The following PRTG variants were observed in gnomAD, a reference collection of about 807,000 sequenced individuals.
PRTG encodes immunoglobulin superfamily, DCC subclass, member 5.
Under a neutral mutation model 122.5 loss-of-function variants are expected in PRTG, and 67 were observed. The ratio of observed to expected loss-of-function variants is 0.55; its 90% CI spans 0.45 to 0.67. The LOEUF is 0.67. Ranked by LOEUF, PRTG falls within the 30% of genes least tolerant of loss-of-function variation. PRTG has a pLI of 0.00. For synonymous variants in PRTG, 554 were observed against 501.1 expected, an observed-to-expected ratio of 1.11 and a Z score of -1.41; for missense variants, 1,435 against 1,415.4, an observed-to-expected ratio of 1.01 and a Z score of -0.22.
intron 11 of PRTG, among the ~76,000 whole-genome samples, chr15:55,656,632 C>G (rs958704074): frequency 1.3e-5 from 2 of 152,126 alleles, no homozygotes; most frequent in African/African-American, 4.8e-5. Context: ...CTCAGCCTCC[C>G]AAGTAGCTGG....
intron 2 of PRTG, among the ~76,000 whole-genome samples, chr15:55,715,297 A>G (rs1390360424): frequency 6.6e-6 from 1 of 152,220 alleles, no homozygotes; most frequent in Non-Finnish European, 1.5e-5. Context: ...TTTCAGGCTA[A>G]TCAGGATATT....
chr15:55,733,992 G>A (rs2031327361), intron 2 of PRTG, among the ~76,000 whole-genome samples: 1 of 152,156 alleles, frequency 6.6e-6, no homozygotes, highest in South Asian at 2.1e-4. Flanking sequence ...ACTACTTTCG[G>A]AAACATCAGG....
chr15:55,687,671 T>G (rs1324201658), intron 2 of PRTG, among the ~76,000 whole-genome samples: 1 of 152,238 alleles, frequency 6.6e-6, no homozygotes, highest in Non-Finnish European at 1.5e-5. Flanking sequence ...GGTTTACCCT[T>G]GAAAACTCTG....
intron 15 of PRTG, among the ~76,000 whole-genome samples, chr15:55,636,262 C>T (rs2059257196): frequency 6.6e-6 from 1 of 151,972 alleles, no homozygotes; most frequent in African/African-American, 2.4e-5. Flanking sequence ...TCAGCTTTTC[C>T]CTGTATTTAA....
intron 8 of PRTG, 89 bp downstream of exon 8, chr15:55,677,708 T>C (rs1190609212): frequency 9.8e-6 from 12 of 1,230,576 alleles, no homozygotes; most frequent in Non-Finnish European, 1.4e-5. Flanking sequence ...CAAAAATATT[T>C]TATGGATTAT....
At chr15:55,742,710 G>A in intron 1 of PRTG, 128 bp downstream of exon 1, 1 of 1,140,656 alleles carries the variant, frequency 8.8e-7, no homozygotes, top group Non-Finnish European at 1.3e-6. Context: ...GCGGGGGCCG[G>A]GGGTCAGCGC....
At chr15:55,640,018 A>G in intron 12 of PRTG, 190 bp from the exon 13 acceptor site, 4 of 919,988 alleles carry the variant, frequency 4.3e-6, no homozygotes, top group Non-Finnish European at 3.9e-6. Flanking sequence ...ATAAGAAGTC[A>G]AAAACAGTCA....
At chr15:55,627,426 C>T (rs1328405561) in intron 16 of PRTG, among the ~76,000 whole-genome samples, 3 of 150,774 alleles carry the variant, frequency 2.0e-5, no homozygotes, top group African/African-American at 7.3e-5. Context: ...CGGGTTCCTG[C>T]CATTCTCCTG....
chr15:55,618,076 A>C lies in PRTG; in HGVS notation c.*1936T>G, dbSNP rs932907343. The C allele has an allele frequency of 6.6e-6, 1 of 152,206 alleles. No individual in the cohort carries two copies. The highest frequency in any genetic ancestry group is 2.4e-5 in the African/African-American group (1 of 41,460). The allele number at this position is 152,206 out of a possible 1,614,324, so 9.4% of individuals were successfully genotyped here. On this transcript the variant is annotated 3_prime_UTR_variant, in exon 20 of 20. Transcript: ENST00000389286. ...CAGGAGCAGCATTTTTCCTTGCTGCAGACTGTTCACCTAAAGCTCTGCTTT... is the reference window on the plus strand; with the variant it reads ...CAGGAGCAGCATTTTTCCTTGCTGCCGACTGTTCACCTAAAGCTCTGCTTT...
chr15:55,742,727 G>C, intron 1 of PRTG, 111 bp downstream of exon 1: 3 of 1,342,736 alleles, frequency 2.2e-6, no homozygotes, highest in Non-Finnish European at 3.1e-6. Context: ...GCGCCACCAC[G>C]GAGGACCCCG....
chr15:55,667,324 CTTTTCTT>C (rs1270856440), intron 11 of PRTG, among the ~76,000 whole-genome samples: 1 of 151,562 alleles, frequency 6.6e-6, no homozygotes, highest in Non-Finnish European at 1.5e-5. Flanking sequence ...AATGAAAAAT[CTTTTCTT>C]TTTTACTATC....
At chr15:55,655,125 C>CAAG (rs1274135007) in intron 11 of PRTG, 12 of 152,116 alleles carry the variant, frequency 7.9e-5, no homozygotes, top group African/African-American at 2.2e-4. Context: ...TTAAAACTCA[C>CAAG]AAGAAACAGT....
intron 11 of PRTG, among the ~76,000 whole-genome samples, chr15:55,664,389 C>T (rs1409300520): frequency 2.0e-5 from 3 of 152,238 alleles, no homozygotes; most frequent in Admixed American, 6.5e-5. Flanking sequence ...GTGATCCACC[C>T]GCCTCGATCT....
intron 2 of PRTG, among the ~76,000 whole-genome samples, chr15:55,733,485 G>A (rs1300170700): frequency 6.7e-6 from 1 of 149,372 alleles, no homozygotes; most frequent in Non-Finnish European, 1.5e-5. Context: ...ACTCCAGCCT[G>A]GGCAACAAGA....
chr15:55,708,577 T>C (rs146432276), intron 2 of PRTG, among the ~76,000 whole-genome samples: 715 of 151,990 alleles, frequency 4.7e-3, no homozygotes, highest in African/African-American at 0.016. Flanking sequence ...CACTGCACTC[T>C]AGCCTGGGCG....
chr15:55,734,810 C>T (rs2031358198), intron 2 of PRTG, among the ~76,000 whole-genome samples: 1 of 152,094 alleles, frequency 6.6e-6, no homozygotes, highest in Non-Finnish European at 1.5e-5. Flanking sequence ...GTGTCAGAGA[C>T]CTTTGTGAGG....
chr15:55,622,363 A>G (rs1287671421), intron 18 of PRTG, among the ~76,000 whole-genome samples: 5 of 147,654 alleles, frequency 3.4e-5, no homozygotes, highest in Non-Finnish European at 7.4e-5. Flanking sequence ...GATTACAGGC[A>G]TGCATCATCA....
At chr15:55,630,475 T>C (rs1158996185) in intron 15 of PRTG, among the ~76,000 whole-genome samples, 1 of 152,164 alleles carries the variant, frequency 6.6e-6, no homozygotes, top group East Asian at 1.9e-4. Flanking sequence ...AATGCACAGT[T>C]ACGCAGGAAC....
At position 55,708,164 on chromosome 15, in the gene PRTG, A is replaced by C. The variant is rs201617839; in HGVS notation, c.398-24233T>G. Among the ~76,000 whole-genome samples the C allele has an allele frequency of 1.2e-4, 12 of 97,724 alleles. 1 individual carries two copies. The Admixed American group carries it at 1.3e-3, about 10-fold the overall frequency. The allele number at this position is 97,724 out of a possible 152,430, so 64.1% of individuals were successfully genotyped here. On this transcript the variant is annotated intron_variant, in intron 2 of 19. Transcript: ENST00000389286. ...GTAAGCTGGTAAAAAAAAAAAAAAAAAAAAAAAAAAAAACAGAGGCAGAAG... is the reference window on the plus strand; with the variant it reads ...GTAAGCTGGTAAAAAAAAAAAAAAACAAAAAAAAAAAAACAGAGGCAGAAG...
Sources: allele counts gnomAD v4.1 joint callset (sites outside exome capture counted in the v4.1 genomes callset), GRCh38; gene constraint gnomAD v4.1.1; transcripts MANE v1.5; gene names NCBI Gene and HGNC (gene_info 2026-07-23, HGNC 2026-07-21).